RBM47: variants seen among roughly 807,000 people sequenced by gnomAD.
RBM47 encodes the protein RNA-binding protein 47.
RBM47 carries 21 observed loss-of-function variants against 47.1 expected under a neutral mutation model. The ratio of observed to expected loss-of-function variants is 0.45; its 90% CI spans 0.32 to 0.64. RBM47 has a LOEUF of 0.64. Ranked by LOEUF, RBM47 falls within the 30% of genes least tolerant of loss-of-function variation. The probability of loss-of-function intolerance (pLI) is 0.05; values close to 1 mark genes in which losing one functional copy is unlikely to be tolerated. For missense variants in RBM47, 708 were observed against 870.9 expected (o/e 0.81, Z 2.35); for synonymous variants, 375 against 361.7 (o/e 1.04, Z -0.42).
intron 2 of RBM47, among the ~76,000 whole-genome samples, chr4:40,505,095 G>A (rs1224686359): frequency 1.3e-5 from 2 of 152,142 alleles, no homozygotes; most frequent in East Asian, 1.9e-4. Flanking sequence ...GGAGGCTGAG[G>A]TAAGAGAATT....
intron 6 of RBM47, among the ~76,000 whole-genome samples, chr4:40,428,481 G>C (rs1351313242): frequency 1.3e-5 from 2 of 152,194 alleles, no homozygotes; most frequent in African/African-American, 4.8e-5. Context: ...TTTACAACCA[G>C]GGAGAGGAGC....
chr4:40,498,061 T>TATATAC (rs1361833877), intron 2 of RBM47, among the ~76,000 whole-genome samples: 4 of 135,244 alleles, frequency 3.0e-5, no homozygotes, highest in Admixed American at 7.5e-5. Context: ...GTTTTATATA[T>TATATAC]ATATATATAT....
At chr4:40,503,712 A>G (rs1240546779) in intron 2 of RBM47, among the ~76,000 whole-genome samples, 1 of 151,974 alleles carries the variant, frequency 6.6e-6, no homozygotes, top group Non-Finnish European at 1.5e-5. Context: ...GGAAGAGCCT[A>G]AGAGGGGGGA....
chr4:40,475,314 GA>G (rs1328222278), intron 2 of RBM47, among the ~76,000 whole-genome samples: 7 of 152,034 alleles, frequency 4.6e-5, no homozygotes, highest in African/African-American at 1.5e-4. Flanking sequence ...CACTGACTCT[GA>G]AATGGCTTTA....
intron 3 of RBM47, among the ~76,000 whole-genome samples, chr4:40,464,890 CAAAAAAA>C (rs71646997): frequency 2.2e-4 from 7 of 32,084 alleles, no homozygotes; most frequent in African/African-American, 7.4e-4. Context: ...GACTCTGTCT[CAAAAAAA>C]AAAAAAAAAA....
rs544109295 is a variant in RBM47, at chr4:40,472,550, G to T, written c.-154-5851C>A. Among the ~76,000 whole-genome samples, 447 of 129,618 alleles carry T rather than the reference G, an allele frequency of 3.4e-3. 3 individuals carry two copies. Among genetic ancestry groups the T allele is most frequent in the African/African-American group, 0.012 (383 of 31,538 alleles). The allele number at this position is 129,618 out of a possible 152,430, so 85.0% of individuals were successfully genotyped here. On this transcript the variant is annotated intron_variant, in intron 2 of 6. Transcript: ENST00000295971. ...GCACCCCAGCCTGGGCAACAAGAGT[G>T]ATGCTCTGTCTCAAAAAAAAAAAAA... is the stretch of plus-strand genomic sequence containing the variant.
intron 6 of RBM47, among the ~76,000 whole-genome samples, chr4:40,431,517 G>A (rs1716012605): frequency 6.6e-6 from 1 of 152,126 alleles, no homozygotes; most frequent in Admixed American, 6.5e-5. Flanking sequence ...AATTAGCCGG[G>A]CATGGTGGCG....
chr4:40,614,844 C>T (rs1736579037), intron 1 of RBM47, among the ~76,000 whole-genome samples: 1 of 151,882 alleles, frequency 6.6e-6, no homozygotes, highest in African/African-American at 2.4e-5. Flanking sequence ...CACACACATA[C>T]ACAAAAGAGT....
intron 1 of RBM47, among the ~76,000 whole-genome samples, chr4:40,585,774 G>A (rs1267771558): frequency 6.6e-6 from 1 of 152,182 alleles, no homozygotes; most frequent in Non-Finnish European, 1.5e-5. Context: ...CATCAAGCAC[G>A]GCACATAGGA....
chr4:40,438,297 CACG>C lies in RBM47; in HGVS notation c.594_596del (p.Phe198_Val199delinsLeu). On this transcript the variant is annotated inframe_deletion, in exon 4 of 7. Transcript: ENST00000295971. ...CAGCCGCGCGGTGGCTCTCGTACTC[CACG>C]AAGGCGAAGCCGCGGTTCTTCATCT... 6.2e-7 allele frequency: 1 copy of C among 1,605,140 alleles called. No homozygotes were observed. Among genetic ancestry groups the C allele is most frequent in the Non-Finnish European group, 8.5e-7 (1 of 1,179,888 alleles).
intron 2 of RBM47, among the ~76,000 whole-genome samples, chr4:40,488,184 C>T (rs1025764993): frequency 8.6e-5 from 13 of 151,976 alleles, no homozygotes; most frequent in East Asian, 5.8e-4. Flanking sequence ...TGTAGTGGTG[C>T]GCACCTGTAA....
intron 1 of RBM47, among the ~76,000 whole-genome samples, chr4:40,615,284 CA>C (rs202074600): frequency 8.2e-4 from 123 of 150,886 alleles, no homozygotes; most frequent in Non-Finnish European, 1.4e-3. Context: ...ACAAAATATA[CA>C]AAAAAAAATT....
rs145489744 is a variant in RBM47, at chr4:40,619,295, T to C, written c.-240+10101A>G. 2.8e-3 allele frequency among the ~76,000 whole-genome samples: 429 copies of C among 152,120 alleles called. 1 individual carries two copies. Among genetic ancestry groups the C allele is most frequent in the African/African-American group, 0.01 (416 of 41,502 alleles). ...AAATCAAAGAATTAGCTGAGTATGA[T>C]TGTGTGCCTGTAGTCCCAGCTTCTT... is the stretch of plus-strand genomic sequence containing the variant. On this transcript the variant is annotated intron_variant, in intron 1 of 6. Transcript: ENST00000295971.
At chr4:40,568,167 T>C (rs1437258788) in intron 1 of RBM47, among the ~76,000 whole-genome samples, 3 of 151,756 alleles carry the variant, frequency 2.0e-5, no homozygotes, top group African/African-American at 7.3e-5. Context: ...ACATGCCACC[T>C]GTAATCCCAG....
chr4:40,443,192 TGGGTGTCTTAATTA>T (rs1560367822), intron 3 of RBM47, among the ~76,000 whole-genome samples: 1 of 151,952 alleles, frequency 6.6e-6, no homozygotes, highest in East Asian at 1.9e-4. Context: ...TTCATGGGTG[TGGGTGTCTTAATTA>T]GGGATAATAA....
rs368563761 is a variant in RBM47 at position 40,534,851 on chromosome 4, C to T, written c.-155+9571G>A. On this transcript the variant is annotated intron_variant, in intron 2 of 6. Coordinates refer to ENST00000295971, the MANE Select transcript of RBM47 (RefSeq NM_001098634.2). ...TCTGGAGGCTGAGGCAGGAGAATGG[C>T]GTGAACCCGGGAGGCGGAGCTTGCA... Among the ~76,000 whole-genome samples, 1,126 of 150,048 alleles carry T rather than the reference C, an allele frequency of 7.5e-3. 15 individuals carry two copies. Among genetic ancestry groups the T allele is most frequent in the African/African-American group, 0.026 (1,063 of 40,590 alleles).
chr4:40,622,054 C>T (rs971916927), intron 1 of RBM47, among the ~76,000 whole-genome samples: 1 of 152,198 alleles, frequency 6.6e-6, no homozygotes. Context: ...TGTGTAAAAG[C>T]CTGTGTGTCT....
At chr4:40,468,617 A>G (rs1244188469) in intron 2 of RBM47, among the ~76,000 whole-genome samples, 1 of 152,242 alleles carries the variant, frequency 6.6e-6, no homozygotes. Flanking sequence ...TTATTCTGCC[A>G]TAACTATCTT....
chr4:40,606,057 G>A (rs1735730425), intron 1 of RBM47, among the ~76,000 whole-genome samples: 1 of 151,294 alleles, frequency 6.6e-6, no homozygotes, highest in East Asian at 1.9e-4. Flanking sequence ...AAACAGCCGG[G>A]TGTGGTGGTG....
Sources: allele counts gnomAD v4.1 joint callset (sites outside exome capture counted in the v4.1 genomes callset), GRCh38; gene constraint gnomAD v4.1.1; transcripts MANE v1.5; gene names NCBI Gene and HGNC (gene_info 2026-07-23, HGNC 2026-07-21).